LOXHD1: variants seen among roughly 807,000 people sequenced by gnomAD.
LOXHD1 encodes lipoxygenase homology PLAT domains 1, also known as lipoxygenase homology domain-containing protein 1.
Under a neutral mutation model 248.2 loss-of-function variants are expected in LOXHD1, and 205 were observed. The observed-to-expected ratio is 0.83, with a 90% confidence interval of 0.74 to 0.93. The LOEUF (loss-of-function observed/expected upper bound fraction) is 0.93, where lower values mean the gene tolerates loss of function less well. LOXHD1 is among the 40% of genes least tolerant of loss of function. The pLI is 0.00. For synonymous variants in LOXHD1, 1,113 were observed against 1,162.8 expected (o/e 0.96, Z 0.87); for missense variants, 2,930 against 2,971.6 (o/e 0.99, Z 0.33).
At chr18:46,656,247 C>T (rs1243170544) in intron 1 of LOXHD1, among the ~76,000 whole-genome samples, 1 of 152,080 alleles carries the variant, frequency 6.6e-6, no homozygotes, top group Non-Finnish European at 1.5e-5. Flanking sequence ...TTTCAAAACG[C>T]TGGAAAGGAA....
chr18:46,587,150 C>A (rs1354114913), intron 12 of LOXHD1, among the ~76,000 whole-genome samples: 1 of 152,348 alleles, frequency 6.6e-6, no homozygotes, highest in African/African-American at 2.4e-5. Context: ...CTTCTCTAAT[C>A]AACTCGTTTA....
intron 34 of LOXHD1, among the ~76,000 whole-genome samples, chr18:46,516,384 G>A (rs1217301187): frequency 6.6e-6 from 1 of 152,198 alleles, no homozygotes; most frequent in African/African-American, 2.4e-5. Context: ...AAGAATTCAA[G>A]GAGGAAATGG....
At chr18:46,568,598 A>G (rs1308547224) in intron 16 of LOXHD1, among the ~76,000 whole-genome samples, 1 of 152,164 alleles carries the variant, frequency 6.6e-6, no homozygotes, top group Non-Finnish European at 1.5e-5. Flanking sequence ...CTCTTGAAGG[A>G]TAAGACCCTC....
intron 21 of LOXHD1, among the ~76,000 whole-genome samples, chr18:46,550,334 G>A (rs2037037674): frequency 3.3e-5 from 5 of 151,904 alleles, no homozygotes; most frequent in Non-Finnish European, 7.4e-5. Context: ...AGCACTTTGG[G>A]AGGCCGAGGC....
chr18:46,620,652 C>T (rs1050523010), intron 4 of LOXHD1, among the ~76,000 whole-genome samples: 2 of 152,166 alleles, frequency 1.3e-5, no homozygotes, highest in Non-Finnish European at 1.5e-5. Context: ...AGACACCTGA[C>T]AGTTAGCATG....
intron 7 of LOXHD1, among the ~76,000 whole-genome samples, chr18:46,602,351 A>G (rs1448400644): frequency 7.2e-5 from 11 of 152,084 alleles, no homozygotes; most frequent in Admixed American, 7.2e-4. Flanking sequence ...GATTACAGAC[A>G]TGTGCCACCA....
At chr18:46,651,883 TAAGTC>T (rs1322979246) in intron 1 of LOXHD1, among the ~76,000 whole-genome samples, 1 of 152,218 alleles carries the variant, frequency 6.6e-6, no homozygotes, top group East Asian at 1.9e-4. Context: ...ATTCCACTTT[TAAGTC>T]TTTACCCAAG....
intron 26 of LOXHD1, among the ~76,000 whole-genome samples, chr18:46,537,034 A>T (rs899955922): frequency 6.6e-6 from 1 of 152,162 alleles, no homozygotes. Flanking sequence ...CTCAAGCCAC[A>T]TGCTTATTTC....
At chr18:46,625,813 A>T (rs1355651501) in intron 4 of LOXHD1, among the ~76,000 whole-genome samples, 1 of 152,152 alleles carries the variant, frequency 6.6e-6, no homozygotes. Flanking sequence ...CCTACCCTGC[A>T]GTCACTCGTC....
intron 21 of LOXHD1, among the ~76,000 whole-genome samples, chr18:46,551,925 A>T (rs744744): frequency 0.68 from 104,213 of 152,136 alleles, 37,165 homozygotes; most frequent in Non-Finnish European, 0.8. Flanking sequence ...CTTGAGGACA[A>T]CACACTAAGT....
intron 13 of LOXHD1, among the ~76,000 whole-genome samples, 185 bp from the exon 14 acceptor site, chr18:46,578,052 G>A (rs2037893920): frequency 6.6e-6 from 1 of 152,156 alleles, no homozygotes; most frequent in Non-Finnish European, 1.5e-5. Flanking sequence ...TCTTCCACTG[G>A]AATATCATCC....
intron 17 of LOXHD1, 148 bp downstream of exon 17, chr18:46,566,109 G>T: frequency 2.6e-6 from 2 of 781,146 alleles, no homozygotes; most frequent in Non-Finnish European, 3.9e-6. Flanking sequence ...AGTACCAGAA[G>T]CAGTGAAAGC....
intron 12 of LOXHD1, among the ~76,000 whole-genome samples, chr18:46,589,692 T>C (rs2038130018): frequency 6.6e-6 from 1 of 152,174 alleles, no homozygotes; most frequent in Non-Finnish European, 1.5e-5. Context: ...CTTTAGGAGA[T>C]GTTGTCTGTT....
At chr18:46,547,417 T>C (rs2036896705) in intron 21 of LOXHD1, among the ~76,000 whole-genome samples, 2 of 152,220 alleles carry the variant, frequency 1.3e-5, no homozygotes, top group Admixed American at 1.3e-4. Flanking sequence ...CCAGGGCTAC[T>C]TTAGTAGAGA....
At chr18:46,539,118 T>C (rs912210146) in intron 25 of LOXHD1, among the ~76,000 whole-genome samples, 1 of 152,170 alleles carries the variant, frequency 6.6e-6, no homozygotes, top group African/African-American at 2.4e-5. Flanking sequence ...TCTCTATGCA[T>C]GGGTGGAAGA....
intron 26 of LOXHD1, among the ~76,000 whole-genome samples, 187 bp downstream of exon 26, chr18:46,537,969 T>C (rs1291273131): frequency 6.6e-6 from 1 of 152,156 alleles, no homozygotes. Flanking sequence ...AGGAGCAGGG[T>C]GAGCTTCACC....
At chr18:46,604,340 T>C (rs1447229120) in intron 6 of LOXHD1, 111 bp from the exon 7 acceptor site, 3 of 1,404,276 alleles carry the variant, frequency 2.1e-6, no homozygotes, top group Admixed American at 2.2e-5. Context: ...TGTACTGATA[T>C]CTGTTTCGTG....
intron 21 of LOXHD1, chr18:46,555,231 A>G (rs1251334514): frequency 4.3e-6 from 2 of 469,472 alleles, no homozygotes; most frequent in Non-Finnish European, 8.8e-6. Context: ...GGATTTTCAG[A>G]ACATCTTAAG....
intron 22 of LOXHD1, 42 bp downstream of exon 22, chr18:46,546,853 G>T: frequency 6.5e-7 from 1 of 1,529,482 alleles, no homozygotes; most frequent in Non-Finnish European, 8.8e-7. Context: ...GAGGCAGAGG[G>T]GAGGGGTGCT....
Sources: allele counts gnomAD v4.1 joint callset (sites outside exome capture counted in the v4.1 genomes callset), GRCh38; gene constraint gnomAD v4.1.1; transcripts MANE v1.5; gene names NCBI Gene and HGNC (gene_info 2026-07-23, HGNC 2026-07-21).